AGAP1: variants seen among roughly 807,000 people sequenced by gnomAD.
The protein encoded by AGAP1 is ArfGAP with GTPase domain, ankyrin repeat and PH domain 1, also known as arf-GAP with GTPase, ANK repeat and PH domain-containing protein 1.
A neutral mutation model predicts 105.3 loss-of-function variants in AGAP1; 29 were observed. That is an observed-to-expected ratio of 0.28 (90% confidence interval 0.21 to 0.38). The LOEUF (loss-of-function observed/expected upper bound fraction) is 0.38. Ranked by LOEUF, AGAP1 falls within the 10% of genes least tolerant of loss-of-function variation. The probability of loss-of-function intolerance (pLI) is 1.00; values close to 1 mark genes in which losing one functional copy is unlikely to be tolerated. For missense variants in AGAP1, 998 were observed against 1,165.1 expected, an observed-to-expected ratio of 0.86 and a Z score of 2.09; for synonymous variants, 509 against 485.9, an observed-to-expected ratio of 1.05 and a Z score of -0.63.
chr2:236,006,525 T>G (rs2056328881), intron 13 of AGAP1, among the ~76,000 whole-genome samples: 1 of 152,258 alleles, frequency 6.6e-6, no homozygotes. Context: ...TTTAACAGAT[T>G]TCATATTCTT....
At chr2:235,909,143 T>A (rs1366491883) in intron 11 of AGAP1, among the ~76,000 whole-genome samples, 2 of 152,218 alleles carry the variant, frequency 1.3e-5, no homozygotes, top group Non-Finnish European at 2.9e-5. Context: ...CATCTAGGCC[T>A]TTCCAGGGCT....
At chr2:235,937,983 A>G (rs2053072845) in intron 12 of AGAP1, among the ~76,000 whole-genome samples, 1 of 152,246 alleles carries the variant, frequency 6.6e-6, no homozygotes, top group Admixed American at 6.5e-5. Context: ...AATCCTTCCC[A>G]AAGAAAGGAA....
rs10193360 is a variant in AGAP1 at position 236,119,605 on chromosome 2, T to C, written c.2115-587T>C. On this transcript the variant is annotated intron_variant, in intron 16 of 17. Transcript: ENST00000304032. The surrounding 1 kb of genome is among the most constrained non-coding windows in gnomAD (Gnocchi z 6.6). ...CACCCCCGGCCCAGCTCCAGCCAAG[T>C]GTCCTATAGCCCTCACTTACAGTCC... is the stretch of plus-strand genomic sequence containing the variant. 0.031 allele frequency among the ~76,000 whole-genome samples: 4,002 copies of C among 127,460 alleles called. 181 individuals carry two copies. The highest frequency in any genetic ancestry group is 0.11 in the African/African-American group (3,812 of 34,664). The allele number at this position is 127,460 out of a possible 152,430, so 83.6% of individuals were successfully genotyped here. A position where few individuals can be genotyped will look rare whatever the true frequency, so the allele number is the denominator to read the frequency against.
rs577163925 is a variant in AGAP1 at position 235,794,859 on chromosome 2, A to G, written c.674-2900A>G. On this transcript the variant is annotated intron_variant, in intron 6 of 17. Coordinates refer to ENST00000304032, the MANE Select transcript of AGAP1 (RefSeq NM_001037131.3). ...ATTTACATTGAACATATTTATGTCT[A>G]TGCACCCACACACATTTACATTGAA... 1.7e-4 allele frequency among the ~76,000 whole-genome samples: 26 copies of G among 152,256 alleles called. No homozygotes were observed. The East Asian group carries it at 2.7e-3, about 16-fold the overall frequency.
At chr2:235,743,916 A>G (rs1456390158) in intron 4 of AGAP1, among the ~76,000 whole-genome samples, 1 of 152,266 alleles carries the variant, frequency 6.6e-6, no homozygotes, top group Non-Finnish European at 1.5e-5. Flanking sequence ...CCACTCACTC[A>G]GCTCCAGTTT....
rs202230563 is a variant in AGAP1, at chr2:235,807,239, T to C, written c.958T>C (p.Ser320Pro). 309 of 1,610,074 alleles carry C rather than the reference T, an allele frequency of 1.9e-4. No individual in the cohort carries two copies. Among genetic ancestry groups the C allele is most frequent in the Middle Eastern group, 1.6e-4 (1 of 6,066 alleles). Residue 320 changes from serine (S) to proline (P), a missense_variant and splice_region_variant, in exon 9 of 18, where the codon TCT becomes CCT. Ser to Pro is a moderately conservative substitution (Grantham distance 74). Around this residue, in one of 3 missense-constraint regions of AGAP1, gnomAD observed 735 missense variants for 833.4 expected, o/e 0.88. Transcript: ENST00000304032. ...TGCCAACTTTCCTTTTGCTTTGCAG[T>C]CTCGGAAAGGGAGCGACCCAGACAA... ...QSKRRSNLFT[S>P]RKGSDPDKEK...
At chr2:235,807,639 G>A (rs950218841) in intron 9 of AGAP1, among the ~76,000 whole-genome samples, 4 of 152,202 alleles carry the variant, frequency 2.6e-5, no homozygotes, top group Non-Finnish European at 5.9e-5. Context: ...GCCGCGGGCC[G>A]CCGGGCAACA....
At position 236,076,273 on chromosome 2, in the gene AGAP1, A is replaced by AC. The variant is rs758440451; in HGVS notation, c.2114+26997dup. 6.6e-6 allele frequency among the ~76,000 whole-genome samples: 1 copy of AC among 152,004 alleles called. No homozygotes were observed. Among genetic ancestry groups the AC allele is most frequent in the Non-Finnish European group, 1.5e-5 (1 of 67,984 alleles). Reference sequence around the variant, plus strand: ...GAGACCAGCCTGGCCAACATGGTGAACCCCCATCTACTACAAATACAAAAA... The same window carrying AC: ...GAGACCAGCCTGGCCAACATGGTGAACCCCCCATCTACTACAAATACAAAAA... On this transcript the variant is annotated intron_variant, in intron 16 of 17. Transcript: ENST00000304032. This position sits in a 1 kb window ranked among gnomAD's most constrained non-coding sequence, Gnocchi z 4.4.
intron 9 of AGAP1, among the ~76,000 whole-genome samples, chr2:235,873,137 CATTTTTGTAGCAG>C: frequency 6.6e-6 from 1 of 152,370 alleles, no homozygotes; most frequent in Admixed American, 6.5e-5. Flanking sequence ...TCATGCAAAA[CATTTTTGTAGCAG>C]ATTCAGGGCT....
At chr2:235,667,588 T>C (rs1948167841) in intron 1 of AGAP1, among the ~76,000 whole-genome samples, 1 of 152,170 alleles carries the variant, frequency 6.6e-6, no homozygotes, top group South Asian at 2.1e-4. Flanking sequence ...GGCGCTAGGC[T>C]GTCATTCTGA....
At chr2:235,647,615 T>A (rs770458621) in intron 1 of AGAP1, among the ~76,000 whole-genome samples, 1 of 152,136 alleles carries the variant, frequency 6.6e-6, no homozygotes, top group Non-Finnish European at 1.5e-5. Context: ...CTTGAACTCC[T>A]GAACTCAAAT....
chr2:235,968,034 C>T (rs903007406), intron 12 of AGAP1, among the ~76,000 whole-genome samples: 5 of 152,192 alleles, frequency 3.3e-5, no homozygotes, highest in Admixed American at 2.6e-4. Context: ...ATCCTGTGCA[C>T]CCACAGGAGT....
chr2:235,661,035 C>T (rs1947930099), intron 1 of AGAP1, among the ~76,000 whole-genome samples: 1 of 152,172 alleles, frequency 6.6e-6, no homozygotes, highest in Admixed American at 6.5e-5. Flanking sequence ...CTGAGGGCTC[C>T]GAACAGAATT....
In AGAP1 at chr2:235,830,523, TC is replaced by T. The variant is rs1959225423; in HGVS notation, c.1050+23194del. ...TGATAGAGGGTGCCCTCTCATCAGG[TC>T]CGTGTGCACCAGGAAGTTTACAGTT... is the stretch of plus-strand genomic sequence containing the variant. On this transcript the variant is annotated intron_variant, in intron 9 of 17. Coordinates refer to ENST00000304032, the MANE Select transcript of AGAP1 (RefSeq NM_001037131.3). The surrounding 1 kb of genome is among the most constrained non-coding windows in gnomAD (Gnocchi z 5.5). Among the ~76,000 whole-genome samples the T allele has an allele frequency of 6.6e-6, 1 of 151,986 alleles. No individual in the cohort carries two copies. Among genetic ancestry groups the T allele is most frequent in the Non-Finnish European group, 1.5e-5 (1 of 67,996 alleles).
rs1435134730 is a variant in AGAP1, at chr2:235,901,879, G to A, written c.1156-6859G>A. Among the ~76,000 whole-genome samples, 5 of 55,312 alleles carry A rather than the reference G, an allele frequency of 9.0e-5. No homozygotes were observed. Among genetic ancestry groups the A allele is most frequent in the East Asian group, 9.9e-3 (2 of 202 alleles). 36.3% of individuals were successfully genotyped at this position (55,312 alleles called of 152,430 possible). A position where few individuals can be genotyped will look rare whatever the true frequency, so the allele number is the denominator to read the frequency against. ...GGGCGACAGAGTGAGACTCCGTCTCGGAAAAAAAAAAAAAAATTATGGAGG... is the reference window on the plus strand; with the variant it reads ...GGGCGACAGAGTGAGACTCCGTCTCAGAAAAAAAAAAAAAAATTATGGAGG... On this transcript the variant is annotated intron_variant, in intron 10 of 17. Transcript: ENST00000304032. The surrounding 1 kb of genome is among the most constrained non-coding windows in gnomAD (Gnocchi z 4.3).
chr2:235,509,351 C>T (rs1941969362), intron 1 of AGAP1, among the ~76,000 whole-genome samples: 3 of 152,210 alleles, frequency 2.0e-5, no homozygotes. Context: ...TCTCCTTCCT[C>T]AGCCTCTTGA....
rs1052727689 is a variant in AGAP1, at chr2:236,096,250, C to T, written c.2115-23942C>T. On this transcript the variant is annotated intron_variant, in intron 16 of 17. Transcript: ENST00000304032. The surrounding 1 kb of genome is among the most constrained non-coding windows in gnomAD (Gnocchi z 4.4). ...GCACAGTGGCTCACGCCTGTAATCC[C>T]AGCACTTCGGGAGGCCAAGGCGGGG... 5.3e-5 allele frequency among the ~76,000 whole-genome samples: 8 copies of T among 152,282 alleles called. No individual in the cohort carries two copies. Among genetic ancestry groups the T allele is most frequent in the African/African-American group, 1.9e-4 (8 of 41,568 alleles).
intron 9 of AGAP1, among the ~76,000 whole-genome samples, chr2:235,819,831 G>C (rs1958683558): frequency 6.6e-6 from 1 of 151,996 alleles, no homozygotes; most frequent in South Asian, 2.1e-4. Context: ...TTGGTAGGCA[G>C]GTTGCTGGTG....
At chr2:235,852,691 G>A (rs1470055578) in intron 9 of AGAP1, 6 of 1,495,646 alleles carry the variant, frequency 4.0e-6, no homozygotes, top group African/African-American at 1.4e-5. Flanking sequence ...CCCAGGGCCT[G>A]CCCTTCTTTG....
Sources: allele counts gnomAD v4.1 joint callset (sites outside exome capture counted in the v4.1 genomes callset), GRCh38; gene constraint gnomAD v4.1.1; regional missense constraint gnomAD v4.1.1; non-coding constraint Gnocchi (gnomAD v3.1); transcripts MANE v1.5; gene names NCBI Gene and HGNC (gene_info 2026-07-23, HGNC 2026-07-21).